KCNH1: variants seen among roughly 807,000 people sequenced by gnomAD.
KCNH1 encodes the protein voltage-gated delayed rectifier potassium channel KCNH1.
A neutral mutation model predicts 69.2 loss-of-function variants in KCNH1; 27 were observed. That is an observed-to-expected ratio of 0.39 (90% confidence interval 0.29 to 0.54). The LOEUF is 0.54. KCNH1 is among the 20% of genes least tolerant of loss of function. The pLI is 0.68. For synonymous variants in KCNH1, 456 were observed against 487.7 expected, an observed-to-expected ratio of 0.93 and a Z score of 0.86; for missense variants, 798 against 1,261.6, an observed-to-expected ratio of 0.63 and a Z score of 5.57.
chr1:210,756,710 G>A (rs936292348), intron 10 of KCNH1, among the ~76,000 whole-genome samples: 3 of 152,134 alleles, frequency 2.0e-5, no homozygotes, highest in Non-Finnish European at 2.9e-5. Context: ...CTCACTGGTG[G>A]CCCCCTGGGA....
chr1:211,066,333 C>A (rs866839354), intron 5 of KCNH1, among the ~76,000 whole-genome samples: 2 of 151,998 alleles, frequency 1.3e-5, no homozygotes, highest in South Asian at 4.2e-4. Flanking sequence ...CCAAAATGCT[C>A]GGGACCAAAA....
intron 10 of KCNH1, among the ~76,000 whole-genome samples, chr1:210,703,194 C>CA (rs146339583): frequency 3.4e-4 from 52 of 152,114 alleles, no homozygotes; most frequent in Middle Eastern, 3.4e-3. Context: ...AGACAAATGG[C>CA]AAAATGGGAA....
chr1:211,057,448 C>A (rs1015332996), intron 5 of KCNH1, among the ~76,000 whole-genome samples: 5 of 152,042 alleles, frequency 3.3e-5, no homozygotes, highest in African/African-American at 1.2e-4. Flanking sequence ...CCAGCCTGGG[C>A]AACATGCAAA....
At chr1:210,957,971 T>A (rs1414172161) in intron 6 of KCNH1, among the ~76,000 whole-genome samples, 2 of 152,240 alleles carry the variant, frequency 1.3e-5, no homozygotes, top group African/African-American at 4.8e-5. Flanking sequence ...GGTAGCTGGT[T>A]ATCTTGCTCA....
intron 10 of KCNH1, among the ~76,000 whole-genome samples, chr1:210,734,658 C>T (rs935039202): frequency 1.3e-5 from 2 of 151,944 alleles, no homozygotes; most frequent in African/African-American, 4.8e-5. Flanking sequence ...TTCTCTTCTG[C>T]CCCTCTGCAC....
chr1:211,059,368 A>G (rs1229187957), intron 5 of KCNH1, among the ~76,000 whole-genome samples: 6 of 152,128 alleles, frequency 3.9e-5, no homozygotes, highest in Admixed American at 3.9e-4. Flanking sequence ...GCCAGAGGAT[A>G]TAACAATTGT....
intron 7 of KCNH1, among the ~76,000 whole-genome samples, chr1:210,839,637 A>G (rs1451378144): frequency 1.3e-5 from 2 of 152,128 alleles, no homozygotes; most frequent in African/African-American, 2.4e-5. Flanking sequence ...ATAAATGTCT[A>G]TTTTCTTAAA....
intron 7 of KCNH1, among the ~76,000 whole-genome samples, chr1:210,891,817 T>C (rs1162126746): frequency 6.6e-6 from 1 of 152,176 alleles, no homozygotes; most frequent in Non-Finnish European, 1.5e-5. Context: ...CCAACCCAAA[T>C]GCCTATCAGT....
intron 6 of KCNH1, among the ~76,000 whole-genome samples, chr1:210,961,581 C>T (rs1418456322): frequency 6.6e-6 from 1 of 152,184 alleles, no homozygotes; most frequent in Non-Finnish European, 1.5e-5. Context: ...TGGCTCGAGC[C>T]TGTAATCCCA....
chr1:210,708,996 A>C (rs572448757), intron 10 of KCNH1, among the ~76,000 whole-genome samples: 1 of 152,124 alleles, frequency 6.6e-6, no homozygotes, highest in Admixed American at 6.5e-5. Flanking sequence ...GTGGTGGCTC[A>C]TCCCAGCACT....
Position 210,724,906 on chromosome 1 carries a change from T to C in KCNH1, c.2113-40768A>G, listed in dbSNP as rs528053572. On this transcript the variant is annotated intron_variant, in intron 10 of 10. Coordinates refer to ENST00000271751, the MANE Select transcript of KCNH1 (RefSeq NM_172362.3). ...GATTGAAACATCTTCTGCTGGCTGC[T>C]ATGTGGAACAGAACATCCCATCTCC... 7.2e-5 allele frequency among the ~76,000 whole-genome samples: 11 copies of C among 152,308 alleles called. No individual in the cohort carries two copies. In the East Asian group the frequency reaches 1.5e-3, roughly 21 times the overall value.
intron 6 of KCNH1, among the ~76,000 whole-genome samples, chr1:210,941,276 A>C (rs1413871986): frequency 1.3e-5 from 2 of 152,288 alleles, no homozygotes; most frequent in African/African-American, 4.8e-5. Context: ...CCACAAACAT[A>C]ATCCACTTCA....
chr1:210,701,984 A>G (rs1681792902), intron 10 of KCNH1, among the ~76,000 whole-genome samples: 1 of 152,220 alleles, frequency 6.6e-6, no homozygotes, highest in African/African-American at 2.4e-5. Flanking sequence ...AATATTTTTT[A>G]TCTTCACACT....
At chr1:210,838,869 C>T (rs1446725303) in intron 7 of KCNH1, among the ~76,000 whole-genome samples, 1 of 152,176 alleles carries the variant, frequency 6.6e-6, no homozygotes, top group Admixed American at 6.5e-5. Flanking sequence ...GAGATACCAT[C>T]TCACACCAGT....
intron 7 of KCNH1, among the ~76,000 whole-genome samples, chr1:210,878,391 CT>C (rs1158249071): frequency 6.6e-6 from 1 of 151,962 alleles, no homozygotes; most frequent in African/African-American, 2.4e-5. Flanking sequence ...AGAACACATT[CT>C]GGGCCACAAA....
chr1:211,000,457 G>C (rs1689152179), intron 6 of KCNH1, among the ~76,000 whole-genome samples: 1 of 152,122 alleles, frequency 6.6e-6, no homozygotes, highest in East Asian at 1.9e-4. Flanking sequence ...ACTTACCAGG[G>C]ATGTGAAGGA....
intron 6 of KCNH1, among the ~76,000 whole-genome samples, chr1:210,978,894 A>G (rs958608200): frequency 6.6e-6 from 1 of 152,206 alleles, no homozygotes; most frequent in Non-Finnish European, 1.5e-5. Flanking sequence ...AGACTTTCAC[A>G]TGCTGTTGGG....
At chr1:211,091,990 A>T (rs1691060907) in intron 3 of KCNH1, among the ~76,000 whole-genome samples, 1 of 152,242 alleles carries the variant, frequency 6.6e-6, no homozygotes, top group African/African-American at 2.4e-5. Context: ...CTACAACAGC[A>T]TCTAGCAGAA....
chr1:210,996,755 T>C (rs981604786), intron 6 of KCNH1, among the ~76,000 whole-genome samples: 1 of 152,186 alleles, frequency 6.6e-6, no homozygotes, highest in African/African-American at 2.4e-5. Flanking sequence ...GACTGACACC[T>C]TACAAGGTCG....
Sources: gnomAD v4.1 joint callset for allele counts (sites outside exome capture counted in the v4.1 genomes callset) on GRCh38, gnomAD v4.1.1 for gene constraint, MANE v1.5 for transcripts, NCBI Gene and HGNC (gene_info 2026-07-23, HGNC 2026-07-21) for gene names.